Variants in NEB observed in about 807,000 individuals in gnomAD.
NEB encodes the protein nemaline myopathy type 2.
Under a neutral mutation model 952.2 loss-of-function variants are expected in NEB, and 512 were observed. The observed-to-expected ratio is 0.54, with a 90% CI of 0.50 to 0.58. NEB has a LOEUF of 0.58. Among genes scored for constraint, NEB ranks in the 20% least tolerant of loss-of-function variants. The pLI, the probability that NEB is intolerant of heterozygous loss-of-function variation, is 0.00. For missense variants in NEB, 8,428 were observed against 9,231.1 expected, an observed-to-expected ratio of 0.91 and a Z score of 3.56; for synonymous variants, 2,900 against 3,149.8, an observed-to-expected ratio of 0.92 and a Z score of 2.66.
At chr2:151,667,087 G>A (rs1478550275) in intron 40 of NEB, among the ~76,000 whole-genome samples, 1 of 150,776 alleles carries the variant, frequency 6.6e-6, no homozygotes, top group East Asian at 1.9e-4. Flanking sequence ...CTAAAATCCT[G>A]TTATATAATC....
At chr2:151,499,188 G>T in intron 169 of NEB, 110 bp downstream of exon 169, 5 of 565,874 alleles carry the variant, frequency 8.8e-6, no homozygotes, top group Non-Finnish European at 1.5e-5. Context: ...TTGGGAAAAA[G>T]ACAGGTCAAA....
At chr2:151,500,088 A>G (rs2063280891) in intron 168 of NEB, among the ~76,000 whole-genome samples, 1 of 152,248 alleles carries the variant, frequency 6.6e-6, no homozygotes, top group Non-Finnish European at 1.5e-5. Context: ...AATAAAAGGA[A>G]TAATAATTAC....
chr2:151,634,036 C>T, intron 64 of NEB, 71 bp from the exon 65 acceptor site: 1 of 1,497,180 alleles, frequency 6.7e-7, no homozygotes, highest in Non-Finnish European at 9.1e-7. Flanking sequence ...GCAAAATCAA[C>T]TTGCTTACAT....
intron 27 of NEB, among the ~76,000 whole-genome samples, chr2:151,685,420 T>C (rs2099487735): frequency 6.6e-6 from 1 of 152,212 alleles, no homozygotes; most frequent in African/African-American, 2.4e-5. Flanking sequence ...ACTTAGTTTA[T>C]TGGCTGTATA....
At chr2:151,562,254 T>A in intron 120 of NEB, 40 bp from the exon 121 acceptor site, 2 of 1,476,312 alleles carry the variant, frequency 1.4e-6, no homozygotes, top group Non-Finnish European at 1.9e-6. Flanking sequence ...GAAGGTATTC[T>A]GAATTTACAA....
Position 151,679,767 on chromosome 2 carries a change from G to A in NEB, c.3209C>T (p.Ala1070Val), listed in dbSNP as rs371710158. ...AGCTTTGGCAGCTCTGATGGGAATC[G>A]CATCAGTTCTCAGGTCATATCCCTT... is the stretch of plus-strand genomic sequence containing the variant. Reference protein sequence around the residue: ...SKKGYDLRTDAIPIRAAKAAR... With the variant: ...SKKGYDLRTDVIPIRAAKAAR... Residue 1070 changes from alanine to valine, a missense_variant, in exon 32 of 182, where the codon GCG becomes GTG. Ala to Val is a moderately conservative substitution (Grantham distance 64). Around this residue, in one of 11 missense-constraint regions of NEB, gnomAD observed 2,851 missense variants for 2,791.5 expected, o/e 1.02. Transcript: ENST00000397345. 7.5e-6 allele frequency: 12 copies of A among 1,608,632 alleles called. No homozygotes were observed. Among genetic ancestry groups the A allele is most frequent in the African/African-American group, 1.3e-5 (1 of 74,484 alleles).
intron 134 of NEB, 134 bp downstream of exon 134, chr2:151,546,211 C>G: frequency 1.4e-6 from 1 of 739,062 alleles, no homozygotes. Flanking sequence ...ATAATCTGCT[C>G]AAGTGAGTTA....
At chr2:151,653,938 A>G in intron 52 of NEB, 54 bp downstream of exon 52, 1 of 1,180,008 alleles carries the variant, frequency 8.5e-7, no homozygotes, top group South Asian at 1.3e-5. Context: ...ACCGACATTA[A>G]GTCACCTGAT....
rs374029795 is a variant in NEB at position 151,506,178 on chromosome 2, G to A, written c.23637C>T (p.Asp7879=). Residue 7879 remains aspartate (D), a synonymous_variant, in exon 164 of 182, where the codon GAC becomes GAT. Transcript: ENST00000397345. ...PEMMRVKQTQ[D]HISSVKYKEA... ...ACTGTGTCTTTACCGAGCTAATGTGGTCCTGTGTTTGTTTCACTCTCATCA... is the reference window on the plus strand; with the variant it reads ...ACTGTGTCTTTACCGAGCTAATGTGATCCTGTGTTTGTTTCACTCTCATCA... 2.5e-6 allele frequency: 4 copies of A among 1,611,680 alleles called. No individual in the cohort carries two copies. The highest frequency in any genetic ancestry group is 3.4e-6 in the Non-Finnish European group (4 of 1,177,746).
In NEB at chr2:151,674,532, A is replaced by G. The variant is rs886099367; in HGVS notation, c.3932T>C (p.Leu1311Pro). The change falls in exon 36 of 182, where the codon CTG becomes CCG. Residue 1311 changes from leucine (L) to proline (P), a missense_variant. Physicochemically the swap from Leu to Pro is moderately conservative, Grantham distance 98. Transcript: ENST00000397345. ...TGCAGTGATGGGAATAGCATCGCCC[A>G]GCACATTGTTGCCCTTGGCTATTAA... is the stretch of plus-strand genomic sequence containing the variant. The part of the protein sequence containing the change: ...YDLIAKGNNV[L>P]GDAIPITAAK... 1 of 1,614,014 alleles carries G rather than the reference A, an allele frequency of 6.2e-7. No individual in the cohort carries two copies. The highest frequency in any genetic ancestry group is 1.1e-5 in the South Asian group (1 of 91,080).
chr2:151,685,580 T>C (rs2099490001), intron 27 of NEB, among the ~76,000 whole-genome samples: 4 of 152,160 alleles, frequency 2.6e-5, no homozygotes, highest in African/African-American at 9.7e-5. Flanking sequence ...TTAAAAGACT[T>C]CACAGGAGAA....
At position 151,504,531 on chromosome 2, in the gene NEB, G is replaced by A. The variant is rs191423579; in HGVS notation, c.23742+947C>T. On this transcript the variant is annotated intron_variant, in intron 165 of 181. Coordinates refer to ENST00000397345, the MANE Select transcript of NEB (RefSeq NM_001164508.2). Reference sequence around the variant, plus strand: ...ACCACAGAGTATAAGCAGAGAGTGAGAAGGGAATGAGATCTAAATAATATG... The same window carrying A: ...ACCACAGAGTATAAGCAGAGAGTGAAAAGGGAATGAGATCTAAATAATATG... 1.7e-3 allele frequency among the ~76,000 whole-genome samples: 255 copies of A among 152,318 alleles called. 2 individuals are homozygous for A. In the South Asian group the frequency reaches 0.031, roughly 18 times the overall value.
At chr2:151,711,061 C>T (rs952055359) in intron 10 of NEB, among the ~76,000 whole-genome samples, 1 of 152,014 alleles carries the variant, frequency 6.6e-6, no homozygotes, top group African/African-American at 2.4e-5. Flanking sequence ...GAATTATTGC[C>T]CCATCTGACT....
chr2:151,498,572 AG>A (rs912332995), intron 169 of NEB, among the ~76,000 whole-genome samples: 3 of 152,188 alleles, frequency 2.0e-5, no homozygotes, highest in Admixed American at 6.6e-5. Context: ...AGGAAAAGAA[AG>A]GTTGTTATTT....
intron 76 of NEB, 25 bp downstream of exon 76, chr2:151,615,977 T>C: frequency 1.3e-6 from 2 of 1,533,820 alleles, no homozygotes; most frequent in Non-Finnish European, 1.8e-6. Context: ...GAATAAGAAA[T>C]GGCTTTTCCA....
intron 69 of NEB, 47 bp from the exon 70 acceptor site, chr2:151,627,252 C>T (rs1190275971): frequency 8.3e-6 from 13 of 1,566,560 alleles, no homozygotes; most frequent in Non-Finnish European, 7.8e-6. Flanking sequence ...GTTGTTTTAA[C>T]ATGATTTCAA....
rs1238597131 is a variant in NEB at position 151,535,687 on chromosome 2, A to G, written c.21312+4T>C. ...CTTAATTGGAGCAGTTTATTCATAC[A>G]TACCTCATTCATCAATTGAGTTGCA... On this transcript the variant is annotated splice_donor_region_variant and intron_variant, in intron 142 of 181. Coordinates refer to ENST00000397345, the MANE Select transcript of NEB (RefSeq NM_001164508.2). 1.9e-6 allele frequency: 3 copies of G among 1,582,128 alleles called. 1 individual carries two copies. Among genetic ancestry groups the G allele is most frequent in the Non-Finnish European group, 2.6e-6 (3 of 1,155,348 alleles).
At chr2:151,557,602 C>T (rs1480716719) in intron 124 of NEB, among the ~76,000 whole-genome samples, 4 of 152,126 alleles carry the variant, frequency 2.6e-5, no homozygotes, top group African/African-American at 9.7e-5. Flanking sequence ...TGATGAACAT[C>T]GATGTGAAAA....
intron 138 of NEB, 132 bp downstream of exon 138, chr2:151,540,212 T>TAAAGAGAA: frequency 2.0e-6 from 1 of 494,552 alleles, no homozygotes; most frequent in Non-Finnish European, 3.4e-6. Context: ...TTTTTCTCTT[T>TAAAGAGAA]AAAAAAATGT....
Sources: allele counts gnomAD v4.1 joint callset (sites outside exome capture counted in the v4.1 genomes callset), GRCh38; gene constraint gnomAD v4.1.1; regional missense constraint gnomAD v4.1.1; transcripts MANE v1.5; gene names NCBI Gene and HGNC (gene_info 2026-07-23, HGNC 2026-07-21).